WDR17: variants seen among roughly 807,000 people sequenced by gnomAD.
The protein encoded by WDR17 is WD repeat-containing protein 17.
In WDR17, 143 loss-of-function variants were observed where a neutral mutation model predicts 161.7. That is an observed-to-expected ratio of 0.88 (90% CI 0.77 to 1.02). The LOEUF is 1.02. Ranked by LOEUF, WDR17 falls within the 50% of genes least tolerant of loss-of-function variation. The probability of loss-of-function intolerance (pLI) is 0.00; values close to 1 mark genes in which losing one functional copy is unlikely to be tolerated. For synonymous variants in WDR17, 517 were observed against 515.6 expected, an observed-to-expected ratio of 1.00 and a Z score of -0.04; for missense variants, 1,469 against 1,520.9, an observed-to-expected ratio of 0.97 and a Z score of 0.57.
intron 17 of WDR17, 114 bp from the exon 18 acceptor site, chr4:176,155,965 A>G: frequency 1.1e-6 from 1 of 922,244 alleles, no homozygotes; most frequent in Non-Finnish European, 1.6e-6. Flanking sequence ...GGACTCAAGA[A>G]CTCAAATATA....
intron 11 of WDR17, among the ~76,000 whole-genome samples, chr4:176,143,821 CCTCT>C (rs1468872561): frequency 1.3e-5 from 2 of 152,046 alleles, no homozygotes; most frequent in Non-Finnish European, 2.9e-5. Flanking sequence ...ATCATCACCT[CCTCT>C]CTCTCTACCC....
intron 1 of WDR17, among the ~76,000 whole-genome samples, chr4:176,092,363 T>TCAATTGATTCAATTTCTAAAC: frequency 6.6e-6 from 1 of 152,290 alleles, no homozygotes; most frequent in East Asian, 1.9e-4. Context: ...TTTCAATTGA[T>TCAATTGATTCAATTTCTAAAC]GCTGAAAAAG....
intron 1 of WDR17, among the ~76,000 whole-genome samples, chr4:176,091,942 T>C (rs1736176928): frequency 6.6e-6 from 1 of 152,024 alleles, no homozygotes; most frequent in Non-Finnish European, 1.5e-5. Flanking sequence ...AGTAATGATA[T>C]CAAAACGATA....
At chr4:176,159,872 T>G in intron 18 of WDR17, 122 bp from the exon 19 acceptor site, 1 of 884,026 alleles carries the variant, frequency 1.1e-6, no homozygotes, top group Non-Finnish European at 1.6e-6. Context: ...TTTTTAAAAG[T>G]GGTATGCCAA....
intron 8 of WDR17, 114 bp downstream of exon 8, chr4:176,135,390 G>A: frequency 1.7e-6 from 2 of 1,155,508 alleles, no homozygotes; most frequent in Non-Finnish European, 1.3e-6. Context: ...TGAATGTAGA[G>A]CAAATTAGTG....
Position 176,135,189 on chromosome 4 carries a change from A to G in WDR17, c.1180A>G (p.Ile394Val), listed in dbSNP as rs59567138. Residue 394 changes from isoleucine to valine, a missense_variant, in exon 8 of 29, where the codon ATA becomes GTA. Coordinates refer to ENST00000508596, the MANE Select transcript of WDR17 (RefSeq NM_181265.4). The stretch of plus-strand genomic sequence containing the variant: ...AGCAACAGCTTCATTTGATGGCACT[A>G]TAAAAGTCTGGGATATAAACACATT... Reference protein sequence around the residue: ...LLATASFDGTIKVWDINTLTA... With the variant: ...LLATASFDGTVKVWDINTLTA... 3.7e-3 allele frequency: 6,037 copies of G among 1,612,424 alleles called. 181 individuals are homozygous for G. The African/African-American group carries it at 0.068, about 18-fold the overall frequency.
At chr4:176,152,068 T>C (rs376876032) in intron 17 of WDR17, 101 bp downstream of exon 17, 7 of 1,252,720 alleles carry the variant, frequency 5.6e-6, no homozygotes, top group African/African-American at 4.7e-5. Flanking sequence ...CTCAGCACTT[T>C]GGAGGCCAAG....
Position 176,137,651 on chromosome 4 carries a change from A to G in WDR17, c.1359+40A>G, listed in dbSNP as rs771384428. On this transcript the variant is annotated intron_variant, in intron 9 of 28. Transcript: ENST00000508596. ...TTGCTACTGAATAATATAATGTTTT[A>G]TACTATTTTGTATTTATTTTGTAAA... 8.1e-6 allele frequency: 10 copies of G among 1,230,690 alleles called. No homozygotes were observed. The Admixed American group carries it at 1.6e-4, about 20-fold the overall frequency. 76.2% of individuals were successfully genotyped at this position (1,230,690 alleles called of 1,614,324 possible). A position where few individuals can be genotyped will look rare whatever the true frequency, so the allele number is the denominator to read the frequency against.
chr4:176,172,130 T>C (rs1421560803), intron 23 of WDR17, among the ~76,000 whole-genome samples: 1 of 152,184 alleles, frequency 6.6e-6, no homozygotes, highest in Non-Finnish European at 1.5e-5. Context: ...TCTATTTCTT[T>C]TATTAGGTAT....
rs967363674 is a variant in WDR17, at chr4:176,181,063, T to G, written c.*1484T>G. Reference sequence around the variant, plus strand: ...TTTAAACTTGTTGCATTTAAAATATTTTTAAAACCTTCTTAACAAAACTTC... The same window carrying G: ...TTTAAACTTGTTGCATTTAAAATATGTTTAAAACCTTCTTAACAAAACTTC... On this transcript the variant is annotated 3_prime_UTR_variant, in exon 29 of 29. Transcript: ENST00000508596. 1 of 152,202 alleles carries G rather than the reference T, an allele frequency of 6.6e-6. No homozygotes were observed. Among genetic ancestry groups the G allele is most frequent in the Non-Finnish European group, 1.5e-5 (1 of 68,032 alleles). The allele number at this position is 152,202 out of a possible 1,614,324, so 9.4% of individuals were successfully genotyped here. A position where few individuals can be genotyped will look rare whatever the true frequency, so the allele number is the denominator to read the frequency against.
At chr4:176,099,949 G>A (rs1236433876) in intron 1 of WDR17, among the ~76,000 whole-genome samples, 1 of 152,118 alleles carries the variant, frequency 6.6e-6, no homozygotes, top group Non-Finnish European at 1.5e-5. Flanking sequence ...ATTCCACTGT[G>A]TATATATACC....
chr4:176,141,692 C>A (rs967844247), intron 10 of WDR17, among the ~76,000 whole-genome samples: 1 of 152,118 alleles, frequency 6.6e-6, no homozygotes, highest in Non-Finnish European at 1.5e-5. Flanking sequence ...CTCGACCTCC[C>A]CAAGTGCTGG....
At chr4:176,159,762 A>G (rs1209234542) in intron 18 of WDR17, among the ~76,000 whole-genome samples, 1 of 152,220 alleles carries the variant, frequency 6.6e-6, no homozygotes, top group East Asian at 1.9e-4. Flanking sequence ...GTTCAGGCAT[A>G]TTTTATGTCA....
intron 12 of WDR17, 116 bp from the exon 13 acceptor site, chr4:176,148,017 C>T (rs1476050318): frequency 1.1e-5 from 8 of 713,766 alleles, no homozygotes; most frequent in Non-Finnish European, 1.7e-5. Flanking sequence ...TATCTTGAGA[C>T]ATAAAATGCT....
intron 8 of WDR17, 130 bp from the exon 9 acceptor site, chr4:176,137,390 A>AGGG: frequency 1.5e-6 from 1 of 649,674 alleles, no homozygotes; most frequent in East Asian, 3.0e-5. Context: ...ACAGTTAATA[A>AGGG]TTTCAATTAT....
At position 176,141,982 on chromosome 4, in the gene WDR17, G is replaced by T. The variant is rs1212586049; in HGVS notation, c.1443-1G>T. ...TATTAACATATTATAATTAATTCTA[G>T]TATTATTCGAACAATTGATGGTAAA... is the stretch of plus-strand genomic sequence containing the variant. On this transcript the variant is annotated splice_acceptor_variant, in intron 10 of 28. Coordinates refer to ENST00000508596, the MANE Select transcript of WDR17 (RefSeq NM_181265.4). LOFTEE classifies it high-confidence loss of function. 5.7e-6 allele frequency: 9 copies of T among 1,583,914 alleles called. No homozygotes were observed. The highest frequency in any genetic ancestry group is 7.8e-6 in the Non-Finnish European group (9 of 1,160,660).
chr4:176,069,812 T>TA (rs923481733), intron 1 of WDR17, among the ~76,000 whole-genome samples: 6 of 152,102 alleles, frequency 3.9e-5, no homozygotes, highest in Admixed American at 1.3e-4. Context: ...AACATGCTAT[T>TA]AAAAAAACCC....
intron 22 of WDR17, among the ~76,000 whole-genome samples, chr4:176,167,882 CA>C (rs1367904139): frequency 3.3e-5 from 5 of 149,314 alleles, no homozygotes; most frequent in Admixed American, 6.7e-5. Context: ...CTCGGTGGCT[CA>C]TGCCTGTAAT....
intron 1 of WDR17, among the ~76,000 whole-genome samples, chr4:176,105,289 AC>A (rs1171064326): frequency 6.6e-6 from 1 of 152,054 alleles, no homozygotes; most frequent in Non-Finnish European, 1.5e-5. Flanking sequence ...ATAATTCAAT[AC>A]CCCATTCTCA....
Sources: gnomAD v4.1 joint callset for allele counts (sites outside exome capture counted in the v4.1 genomes callset) on GRCh38, gnomAD v4.1.1 for gene constraint, MANE v1.5 for transcripts, NCBI Gene and HGNC (gene_info 2026-07-23, HGNC 2026-07-21) for gene names.